PCDHGA9: variants seen among roughly 807,000 people sequenced by gnomAD.
PCDHGA9 encodes the protein protocadherin gamma subfamily A, 9.
PCDHGA9 carries 37 observed loss-of-function variants against 62.5 expected under a neutral mutation model. The ratio of observed to expected loss-of-function variants is 0.59; its 90% CI spans 0.46 to 0.78. The LOEUF is 0.78. PCDHGA9 is among the 30% of genes least tolerant of loss of function. The probability of loss-of-function intolerance (pLI) is 0.00; values close to 1 mark genes in which losing one functional copy is unlikely to be tolerated. For synonymous variants in PCDHGA9, 459 were observed against 484.6 expected (o/e 0.95, Z 0.69); for missense variants, 1,138 against 1,166.2 (o/e 0.98, Z 0.35).
At chr5:141,508,244 C>A (rs1278674173) in intron 3 of PCDHGA9, 1 of 152,314 alleles carries the variant, frequency 6.6e-6, no homozygotes, top group Non-Finnish European at 1.5e-5. Context: ...CTAAGTCTGC[C>A]TCTCCTGGGA....
chr5:141,416,718 G>T lies in PCDHGA9; in HGVS notation c.2424+11342G>T, dbSNP rs1202204760. The T allele has an allele frequency of 5.9e-5, 9 of 152,308 alleles. No homozygotes were observed. In the East Asian group the frequency reaches 1.5e-3, roughly 26 times the overall value. The allele number at this position is 152,308 out of a possible 1,614,324, so 9.4% of individuals were successfully genotyped here. On this transcript the variant is annotated intron_variant, in intron 1 of 3. Transcript: ENST00000573521. ...AAAGGATCATTGGAGGTACTGATGAGTTCATTTAGTTCAATGAAAATAGTG... is the reference window on the plus strand; with the variant it reads ...AAAGGATCATTGGAGGTACTGATGATTTCATTTAGTTCAATGAAAATAGTG...
At chr5:141,418,848 G>C (rs770294020) in intron 1 of PCDHGA9, 1 of 1,613,836 alleles carries the variant, frequency 6.2e-7, no homozygotes, top group Non-Finnish European at 8.5e-7. Flanking sequence ...CTCTCAACAC[G>C]GTGTAAAGTA....
At chr5:141,416,287 T>A (rs2096012467) in intron 1 of PCDHGA9, 1 of 152,276 alleles carries the variant, frequency 6.6e-6, no homozygotes, top group Admixed American at 6.5e-5. Flanking sequence ...ATTCTCTAAT[T>A]TCACACTGCT....
intron 1 of PCDHGA9, chr5:141,414,350 C>T (rs1450829111): frequency 1.9e-6 from 3 of 1,613,726 alleles, no homozygotes; most frequent in Admixed American, 1.7e-5. Flanking sequence ...TCCATTTTGG[C>T]GTATCTACCA....
At chr5:141,496,844 T>G (rs1275272674) in intron 2 of PCDHGA9, among the ~76,000 whole-genome samples, 2 of 150,852 alleles carry the variant, frequency 1.3e-5, no homozygotes, top group Non-Finnish European at 2.9e-5. Context: ...CTCATAGGCT[T>G]CCAGACCAGC....
At chr5:141,451,288 C>G (rs1308574266) in intron 1 of PCDHGA9, among the ~76,000 whole-genome samples, 3 of 152,200 alleles carry the variant, frequency 2.0e-5, no homozygotes, top group Non-Finnish European at 4.4e-5. Context: ...GCCTCTGCCT[C>G]AAAGTCTTAC....
In PCDHGA9 at chr5:141,432,129, A is replaced by T. The variant is rs758099753; in HGVS notation, c.2424+26753A>T. The T allele has an allele frequency of 6.2e-6, 10 of 1,614,054 alleles. No individual in the cohort carries two copies. In the South Asian group the frequency reaches 8.8e-5, roughly 14 times the overall value. On this transcript the variant is annotated intron_variant, in intron 1 of 3. Transcript: ENST00000573521. This position sits in a 1 kb window ranked among gnomAD's most constrained non-coding sequence, Gnocchi z 6.0. ...CCGCCGGTCTTCCCTCAGGCCTCCTATTCCGCTTATATCCCAGAGAACAAT... is the reference window on the plus strand; with the variant it reads ...CCGCCGGTCTTCCCTCAGGCCTCCTTTTCCGCTTATATCCCAGAGAACAAT...
intron 2 of PCDHGA9, among the ~76,000 whole-genome samples, chr5:141,497,293 C>T (rs1270907262): frequency 6.6e-6 from 1 of 152,136 alleles, no homozygotes. Flanking sequence ...TACCTACCAC[C>T]ACCCCAGGCC....
In PCDHGA9 at chr5:141,432,498, G is replaced by A. The variant is rs766191511; in HGVS notation, c.2424+27122G>A. Reference sequence around the variant, plus strand: ...TCCACTGGCGTGGAGCTGGCTCCCCGCTCCGCAGAGCCCGGCTACCTGGTG... The same window carrying A: ...TCCACTGGCGTGGAGCTGGCTCCCCACTCCGCAGAGCCCGGCTACCTGGTG... On this transcript the variant is annotated intron_variant, in intron 1 of 3. Coordinates refer to ENST00000573521, the MANE Select transcript of PCDHGA9 (RefSeq NM_018921.3). This position sits in a 1 kb window ranked among gnomAD's most constrained non-coding sequence, Gnocchi z 6.0. The A allele has an allele frequency of 1.9e-6, 3 of 1,614,106 alleles. No homozygotes were observed. The highest frequency in any genetic ancestry group is 2.5e-6 in the Non-Finnish European group (3 of 1,180,052).
At position 141,476,251 on chromosome 5, in the gene PCDHGA9, C is replaced by T; in HGVS notation, c.2425-18556C>T. On this transcript the variant is annotated intron_variant, in intron 1 of 3. Coordinates refer to ENST00000573521, the MANE Select transcript of PCDHGA9 (RefSeq NM_018921.3). This position sits in a 1 kb window ranked among gnomAD's most constrained non-coding sequence, Gnocchi z 7.6. The stretch of plus-strand genomic sequence containing the variant: ...TCCCGGAGGAAAGAGAGAAGGGTTT[C>T]GCTGTGGGCAACGTGGTCGCGAACC... 1 of 1,613,866 alleles carries T rather than the reference C, an allele frequency of 6.2e-7. No homozygotes were observed. The highest frequency in any genetic ancestry group is 8.5e-7 in the Non-Finnish European group (1 of 1,179,978).
chr5:141,510,398 G>A (rs2099880972), intron 3 of PCDHGA9, among the ~76,000 whole-genome samples: 1 of 152,064 alleles, frequency 6.6e-6, no homozygotes, highest in African/African-American at 2.4e-5. Flanking sequence ...CTTGGCAAAG[G>A]CTAGGGGCAT....
At chr5:141,474,557 G>T (rs1261720500) in intron 1 of PCDHGA9, among the ~76,000 whole-genome samples, 2 of 152,184 alleles carry the variant, frequency 1.3e-5, no homozygotes, top group Admixed American at 1.3e-4. Context: ...AAAACTGGGG[G>T]TTTTCAGAGA....
intron 1 of PCDHGA9, among the ~76,000 whole-genome samples, chr5:141,482,447 T>C (rs2099560010): frequency 6.7e-6 from 1 of 149,882 alleles, no homozygotes; most frequent in East Asian, 1.9e-4. Flanking sequence ...ATTCACCATT[T>C]ATTAGCATCC....
intron 1 of PCDHGA9, chr5:141,441,988 A>G: frequency 3.7e-6 from 1 of 269,936 alleles, no homozygotes; most frequent in Non-Finnish European, 7.3e-6. Flanking sequence ...ATGCGCACCG[A>G]CGAGGTGCTG....
At position 141,469,759 on chromosome 5, in the gene PCDHGA9, T is replaced by C. The variant is rs192437401; in HGVS notation, c.2425-25048T>C. On this transcript the variant is annotated intron_variant, in intron 1 of 3. Coordinates refer to ENST00000573521, the MANE Select transcript of PCDHGA9 (RefSeq NM_018921.3). ...ACCTCAAAAATTACAAAAATACATATATACCAGCTTATTTATTACAGCGTT... is the reference window on the plus strand; with the variant it reads ...ACCTCAAAAATTACAAAAATACATACATACCAGCTTATTTATTACAGCGTT... 3.9e-3 allele frequency among the ~76,000 whole-genome samples: 591 copies of C among 152,310 alleles called. 6 individuals are homozygous for C. Among genetic ancestry groups the C allele is most frequent in the Admixed American group, 0.011 (171 of 15,298 alleles).
In PCDHGA9 at chr5:141,432,293, G is replaced by A; in HGVS notation, c.2424+26917G>A. On this transcript the variant is annotated intron_variant, in intron 1 of 3. Transcript: ENST00000573521. The surrounding 1 kb of genome is among the most constrained non-coding windows in gnomAD (Gnocchi z 6.0). ...CTACGTGTCCATCAACTCCGACACT[G>A]GGGTACTGTATGCGCTGAGCTCCTT... 1 of 1,614,254 alleles carries A rather than the reference G, an allele frequency of 6.2e-7. No homozygotes were observed. Among genetic ancestry groups the A allele is most frequent in the Non-Finnish European group, 8.5e-7 (1 of 1,180,040 alleles).
At chr5:141,470,015 G>C (rs999085849) in intron 1 of PCDHGA9, among the ~76,000 whole-genome samples, 1 of 152,130 alleles carries the variant, frequency 6.6e-6, no homozygotes, top group Non-Finnish European at 1.5e-5. Context: ...TGTAATCCCA[G>C]CTACTCGGGA....
intron 1 of PCDHGA9, among the ~76,000 whole-genome samples, chr5:141,438,655 T>G (rs1436221152): frequency 7.1e-6 from 1 of 140,042 alleles, no homozygotes; most frequent in East Asian, 2.1e-4. Flanking sequence ...CACACACATA[T>G]ATGTATATAT....
At chr5:141,495,015 G>C in intron 2 of PCDHGA9, 150 bp downstream of exon 2, 2 of 1,507,428 alleles carry the variant, frequency 1.3e-6, no homozygotes, top group East Asian at 4.9e-5. Flanking sequence ...CGGGGGGCTG[G>C]CACACAGACC....
Sources: gnomAD v4.1 joint callset for allele counts (sites outside exome capture counted in the v4.1 genomes callset) on GRCh38, gnomAD v4.1.1 for gene constraint, Gnocchi (gnomAD v3.1) non-coding constraint, MANE v1.5 for transcripts, NCBI Gene and HGNC (gene_info 2026-07-23, HGNC 2026-07-21) for gene names.